ZFHX3: variants seen among roughly 807,000 people sequenced by gnomAD.
The protein encoded by ZFHX3 is zinc finger homeobox protein 3.
ZFHX3 carries 42 observed loss-of-function variants against 279.1 expected under a neutral mutation model. The ratio of observed to expected loss-of-function variants is 0.15; its 90% CI spans 0.12 to 0.19. The LOEUF (loss-of-function observed/expected upper bound fraction) is 0.19. ZFHX3 is among the 10% of genes least tolerant of loss of function. The probability of loss-of-function intolerance (pLI) is 1.00; values close to 1 mark genes in which losing one functional copy is unlikely to be tolerated. For missense variants in ZFHX3, 4,981 were observed against 4,754.0 expected, an observed-to-expected ratio of 1.05 and a Z score of -1.40; for synonymous variants, 2,293 against 1,957.8, an observed-to-expected ratio of 1.17 and a Z score of -4.52.
At chr16:73,143,269 A>AC in intron 6 of ZFHX3, among the ~76,000 whole-genome samples, 1 of 152,130 alleles carries the variant, frequency 6.6e-6, no homozygotes, top group African/African-American at 2.4e-5. Flanking sequence ...GCAGAAATGG[A>AC]CCCCGAGAAG....
intron 1 of ZFHX3, among the ~76,000 whole-genome samples, chr16:73,731,751 A>C (rs2053571716): frequency 6.6e-6 from 1 of 152,230 alleles, no homozygotes; most frequent in South Asian, 2.1e-4. Context: ...AAATAAAACC[A>C]AACAAGATTT....
intron 5 of ZFHX3, among the ~76,000 whole-genome samples, chr16:72,817,898 A>T (rs1315874484): frequency 6.6e-6 from 1 of 152,190 alleles, no homozygotes; most frequent in African/African-American, 2.4e-5. Context: ...TACCACTGAC[A>T]GCCCCTCCAT....
Position 72,786,906 on chromosome 16 carries a change from A to G in ZFHX3, c.*258T>C, listed in dbSNP as rs2035402155. On this transcript the variant is annotated 3_prime_UTR_variant, in exon 10 of 10. Transcript: ENST00000268489. ...TGTTTCCCAGACCAATAGTACCTTC[A>G]AAAGGACACAATGTAACAGGGTTAG... 4.3e-6 allele frequency: 1 copy of G among 234,062 alleles called. No homozygotes were observed. The allele number at this position is 234,062 out of a possible 1,614,324, so 14.5% of individuals were successfully genotyped here. A position where few individuals can be genotyped will look rare whatever the true frequency, so the allele number is the denominator to read the frequency against.
intron 1 of ZFHX3, among the ~76,000 whole-genome samples, chr16:73,029,022 A>G (rs982246818): frequency 1.3e-5 from 2 of 152,198 alleles, no homozygotes; most frequent in East Asian, 1.9e-4. Context: ...CTTGTCTAAC[A>G]TCTTCTTCAC....
chr16:72,950,847 C>T lies in ZFHX3; in HGVS notation c.2838G>A (p.Gln946=). 2 of 1,614,152 alleles carry T rather than the reference C, an allele frequency of 1.2e-6. No homozygotes were observed. Among genetic ancestry groups the T allele is most frequent in the Non-Finnish European group, 1.7e-6 (2 of 1,180,046 alleles). Residue 946 remains glutamine, a synonymous_variant, in exon 3 of 10, where the codon CAG becomes CAA. Coordinates refer to ENST00000268489, the MANE Select transcript of ZFHX3 (RefSeq NM_006885.4). ...TCGTGAACTTGTTGCAGACGGCGCA[C>T]TGGAAGAGCTTCAGCGACGGGTCGT... ...QTNDPSLKLF[Q]CAVCNKFTTD...
chr16:73,408,108 TG>T (rs2017399040), intron 3 of ZFHX3, among the ~76,000 whole-genome samples: 1 of 123,378 alleles, frequency 8.1e-6, no homozygotes, highest in Admixed American at 7.7e-5. Context: ...CTGTGAAACT[TG>T]TTTTTTTTTT....
intron 7 of ZFHX3, among the ~76,000 whole-genome samples, chr16:73,104,034 A>G (rs1966263642): frequency 6.6e-6 from 1 of 152,132 alleles, no homozygotes; most frequent in Non-Finnish European, 1.5e-5. Context: ...CCGAGGAAGA[A>G]CTGGCCAAGT....
intron 3 of ZFHX3, among the ~76,000 whole-genome samples, chr16:73,353,284 TG>T (rs1597297627): frequency 1.3e-5 from 2 of 152,338 alleles, no homozygotes; most frequent in East Asian, 1.9e-4. Context: ...AAAGCTGTTT[TG>T]GTTTTCACCG....
intron 3 of ZFHX3, among the ~76,000 whole-genome samples, chr16:73,355,608 G>A (rs1237940138): frequency 6.6e-6 from 1 of 152,150 alleles, no homozygotes; most frequent in Admixed American, 6.5e-5. Flanking sequence ...CACTTTCTGT[G>A]ATACAAGAGT....
chr16:73,716,111 GA>G (rs2053412020), intron 1 of ZFHX3, among the ~76,000 whole-genome samples: 1 of 151,844 alleles, frequency 6.6e-6, no homozygotes, highest in Non-Finnish European at 1.5e-5. Context: ...CTCCTGCTAA[GA>G]AAAAAAGTAA....
intron 1 of ZFHX3, among the ~76,000 whole-genome samples, chr16:73,717,180 A>G (rs867612854): frequency 6.6e-6 from 1 of 152,198 alleles, no homozygotes; most frequent in Non-Finnish European, 1.5e-5. Context: ...ACTTCTCCCC[A>G]GGGGGCTAAT....
chr16:73,721,330 CG>C (rs781263693), intron 1 of ZFHX3, among the ~76,000 whole-genome samples: 32 of 152,102 alleles, frequency 2.1e-4, no homozygotes, highest in Non-Finnish European at 4.1e-4. Context: ...CCATGTTGGC[CG>C]GGCTGGTCTC....
intron 2 of ZFHX3, among the ~76,000 whole-genome samples, chr16:73,458,817 A>C (rs2018422803): frequency 1.3e-5 from 2 of 152,232 alleles, no homozygotes; most frequent in Admixed American, 6.5e-5. Flanking sequence ...CCCTGTTTTA[A>C]ATAATTAAGG....
intron 3 of ZFHX3, among the ~76,000 whole-genome samples, chr16:73,431,603 T>C (rs1357838899): frequency 6.6e-6 from 1 of 152,230 alleles, no homozygotes; most frequent in Non-Finnish European, 1.5e-5. Context: ...CCATTATTTA[T>C]AAATTTAATT....
At chr16:73,855,216 CTTTTTTTTTTTTTTT>C (rs1032892286) in intron 1 of ZFHX3, among the ~76,000 whole-genome samples, 1 of 111,494 alleles carries the variant, frequency 9.0e-6, no homozygotes, top group Non-Finnish European at 1.8e-5. Flanking sequence ...AGGCGTTAGC[CTTTTTTTTTTTTTTT>C]TTTTTTTTGT....
chr16:73,127,038 G>C, intron 7 of ZFHX3: 1 of 230,554 alleles, frequency 4.3e-6, no homozygotes. Flanking sequence ...GCAGTGCGTG[G>C]ATCTTGACTC....
chr16:73,574,286 G>A (rs757404769), intron 2 of ZFHX3, among the ~76,000 whole-genome samples: 5 of 152,018 alleles, frequency 3.3e-5, no homozygotes, highest in Non-Finnish European at 7.4e-5. Flanking sequence ...ATTTCATCCA[G>A]ATATGTGACT....
At chr16:73,588,413 G>A (rs898735273) in intron 2 of ZFHX3, among the ~76,000 whole-genome samples, 11 of 151,760 alleles carry the variant, frequency 7.2e-5, no homozygotes, top group African/African-American at 1.2e-4. Flanking sequence ...GAGGCCGGTC[G>A]CGGTGGCTCA....
intron 5 of ZFHX3, among the ~76,000 whole-genome samples, chr16:73,149,009 ATATATATATTTTATATATATATAAAGTGC>A (rs1966883205): frequency 7.2e-6 from 1 of 139,672 alleles, no homozygotes; most frequent in Admixed American, 7.2e-5. Context: ...AAATGAGATT[ATATATATATTTTATATATATATAAAGTGC>A]TATATATATA....
Sources: gnomAD v4.1 joint callset for allele counts (sites outside exome capture counted in the v4.1 genomes callset) on GRCh38, gnomAD v4.1.1 for gene constraint, MANE v1.5 for transcripts, NCBI Gene and HGNC (gene_info 2026-07-23, HGNC 2026-07-21) for gene names.